Variants in KCNQ5 observed in about 807,000 individuals in gnomAD.
KCNQ5 encodes the protein potassium voltage-gated channel subfamily KQT member 5.
In KCNQ5, 30 loss-of-function variants were observed where a neutral mutation model predicts 98.2. The ratio of observed to expected loss-of-function variants is 0.31; its 90% CI spans 0.23 to 0.41. KCNQ5 has a LOEUF of 0.41. KCNQ5 is among the 10% of genes least tolerant of loss of function. The pLI, the probability that KCNQ5 is intolerant of heterozygous loss-of-function variation, is 1.00. For synonymous variants in KCNQ5, 458 were observed against 449.4 expected (o/e 1.02, Z -0.24); for missense variants, 835 against 1,182.5 (o/e 0.71, Z 4.31).
chr6:72,696,597 C>T (rs1768516000), intron 1 of KCNQ5, among the ~76,000 whole-genome samples: 1 of 152,000 alleles, frequency 6.6e-6, no homozygotes, highest in South Asian at 2.1e-4. Context: ...AACTCTTTAT[C>T]TCTTAGTGGG....
intron 1 of KCNQ5, among the ~76,000 whole-genome samples, chr6:72,680,889 A>G (rs893099423): frequency 6.6e-6 from 1 of 152,216 alleles, no homozygotes; most frequent in East Asian, 1.9e-4. Flanking sequence ...ATAAATTTCA[A>G]TTTGTAGGGA....
At chr6:72,907,756 A>G (rs960144947) in intron 1 of KCNQ5, among the ~76,000 whole-genome samples, 3 of 152,120 alleles carry the variant, frequency 2.0e-5, no homozygotes, top group Admixed American at 6.6e-5. Flanking sequence ...AGAGATTCTG[A>G]CCAATCTTCA....
At chr6:72,683,378 T>C (rs1206238786) in intron 1 of KCNQ5, among the ~76,000 whole-genome samples, 3 of 129,224 alleles carry the variant, frequency 2.3e-5, no homozygotes, top group African/African-American at 9.1e-5. Flanking sequence ...TTTTTTTTTT[T>C]TTTTTTTGAG....
At chr6:72,708,399 A>G (rs951595469) in intron 1 of KCNQ5, among the ~76,000 whole-genome samples, 1 of 152,196 alleles carries the variant, frequency 6.6e-6, no homozygotes, top group African/African-American at 2.4e-5. Context: ...TATGGAAAAA[A>G]TTTTGAAGTA....
chr6:72,854,280 A>T (rs954851604), intron 1 of KCNQ5, among the ~76,000 whole-genome samples: 3 of 152,030 alleles, frequency 2.0e-5, no homozygotes, highest in African/African-American at 4.8e-5. Flanking sequence ...ATTTTTTTTT[A>T]AAATTTGGTT....
intron 12 of KCNQ5, 45 bp from the exon 13 acceptor site, chr6:73,192,520 C>G: frequency 6.5e-7 from 1 of 1,527,916 alleles, no homozygotes; most frequent in Non-Finnish European, 8.8e-7. Context: ...CTAGGGCAAT[C>G]TCCACCTTCA....
At chr6:73,032,581 G>A (rs770958551) in intron 2 of KCNQ5, among the ~76,000 whole-genome samples, 7 of 152,076 alleles carry the variant, frequency 4.6e-5, no homozygotes, top group Non-Finnish European at 7.3e-5. Context: ...AGACACTTTC[G>A]GTGTTTCCAT....
chr6:73,017,898 G>T (rs1276861706), intron 2 of KCNQ5, among the ~76,000 whole-genome samples: 4 of 152,178 alleles, frequency 2.6e-5, no homozygotes, highest in African/African-American at 9.6e-5. Flanking sequence ...TCTCAGGGGA[G>T]ACCAGAAGGG....
chr6:72,622,387 C>A lies in KCNQ5; in HGVS notation c.198C>A (p.Ala66=), dbSNP rs1394174607. The part of the protein sequence containing the change: ...DGLLLLGTRA[A]TLGGGGGGLR... ...TGCTACTGCTGGGCACCCGCGCGGC[C>A]ACGCTCGGTGGCGGCGGCGGTGGCC... is the stretch of plus-strand genomic sequence containing the variant. The change falls in exon 1 of 14, where the codon GCC becomes GCA. Residue 66 remains alanine, a synonymous_variant. Coordinates refer to ENST00000370398, the MANE Select transcript of KCNQ5 (RefSeq NM_019842.4). This position sits in a 1 kb window ranked among gnomAD's most constrained non-coding sequence, Gnocchi z 6.0. 5 of 1,474,622 alleles carry A rather than the reference C, an allele frequency of 3.4e-6. No individual in the cohort carries two copies. Among genetic ancestry groups the A allele is most frequent in the Non-Finnish European group, 3.6e-6 (4 of 1,113,334 alleles). The allele number at this position is 1,474,622 out of a possible 1,614,324, so 91.3% of individuals were successfully genotyped here. A position where few individuals can be genotyped will look rare whatever the true frequency, so the allele number is the denominator to read the frequency against.
intron 3 of KCNQ5, among the ~76,000 whole-genome samples, chr6:73,064,054 A>T (rs1159784688): frequency 6.6e-6 from 1 of 152,176 alleles, no homozygotes; most frequent in African/African-American, 2.4e-5. Context: ...CTTAGAATGA[A>T]TTCCCATCCA....
chr6:72,638,231 C>T (rs571799390), intron 1 of KCNQ5, among the ~76,000 whole-genome samples: 1 of 152,250 alleles, frequency 6.6e-6, no homozygotes, highest in South Asian at 2.1e-4. Flanking sequence ...AGAATGGCTC[C>T]AGTTATTCCT....
At chr6:72,692,298 C>A (rs145360555) in intron 1 of KCNQ5, among the ~76,000 whole-genome samples, 2 of 152,260 alleles carry the variant, frequency 1.3e-5, no homozygotes, top group Admixed American at 6.5e-5. Context: ...GCTATAGGAG[C>A]ACAGAGTGAG....
chr6:72,762,021 C>G (rs997520852), intron 1 of KCNQ5, among the ~76,000 whole-genome samples: 2 of 151,938 alleles, frequency 1.3e-5, no homozygotes, highest in Non-Finnish European at 2.9e-5. Context: ...TCACAGACAG[C>G]GATCTTATCG....
intron 10 of KCNQ5, chr6:73,135,271 A>C (rs1371478044): frequency 6.6e-6 from 1 of 152,048 alleles, no homozygotes; most frequent in African/African-American, 2.4e-5. Flanking sequence ...ATTTACAAGA[A>C]TGTGTGAACA....
intron 11 of KCNQ5, among the ~76,000 whole-genome samples, chr6:73,185,374 G>C (rs1456630609): frequency 6.6e-6 from 1 of 152,012 alleles, no homozygotes; most frequent in East Asian, 1.9e-4. Flanking sequence ...AGAGACAGGG[G>C]TCTCACTATG....
chr6:72,799,137 C>T (rs772106026), intron 1 of KCNQ5, among the ~76,000 whole-genome samples: 2 of 152,190 alleles, frequency 1.3e-5, no homozygotes, highest in East Asian at 3.9e-4. Context: ...AAGGAATTTG[C>T]TTGCTTACAC....
intron 1 of KCNQ5, among the ~76,000 whole-genome samples, chr6:72,861,302 G>A (rs1049855205): frequency 6.3e-5 from 8 of 126,904 alleles, no homozygotes; most frequent in African/African-American, 9.1e-5. Context: ...AAACCTCAGA[G>A]ATTCCTTTAA....
At chr6:72,988,468 C>T (rs1012377347) in intron 1 of KCNQ5, among the ~76,000 whole-genome samples, 3 of 152,034 alleles carry the variant, frequency 2.0e-5, no homozygotes, top group Admixed American at 6.5e-5. Flanking sequence ...TACCCACGGT[C>T]GTAAACATGG....
chr6:72,639,045 A>G (rs556761947), intron 1 of KCNQ5, among the ~76,000 whole-genome samples: 22 of 152,364 alleles, frequency 1.4e-4, no homozygotes, highest in African/African-American at 5.3e-4. Flanking sequence ...AAGAACAAGC[A>G]CAAGTAGACA....
Sources: gnomAD v4.1 joint callset for allele counts (sites outside exome capture counted in the v4.1 genomes callset) on GRCh38, gnomAD v4.1.1 for gene constraint, Gnocchi (gnomAD v3.1) non-coding constraint, MANE v1.5 for transcripts, NCBI Gene and HGNC (gene_info 2026-07-23, HGNC 2026-07-21) for gene names.